Variants in VCL observed in about 807,000 individuals in gnomAD.
VCL encodes the protein epididymis luminal protein 114.
A neutral mutation model predicts 125.7 loss-of-function variants in VCL; 47 were observed. The ratio of observed to expected loss-of-function variants is 0.37; its 90% CI spans 0.30 to 0.48. The LOEUF (loss-of-function observed/expected upper bound fraction) is 0.48. VCL is among the 20% of genes least tolerant of loss of function. The probability of loss-of-function intolerance (pLI) is 0.99; values close to 1 mark genes in which losing one functional copy is unlikely to be tolerated. For missense variants in VCL, 1,069 were observed against 1,455.5 expected, an observed-to-expected ratio of 0.73 and a Z score of 4.32; for synonymous variants, 458 against 514.6, an observed-to-expected ratio of 0.89 and a Z score of 1.49.
chr10:74,006,630 C>T (rs554214347), intron 1 of VCL, among the ~76,000 whole-genome samples: 99 of 152,290 alleles, frequency 6.5e-4, no homozygotes, highest in African/African-American at 2.2e-3. Context: ...TGAGTATTGA[C>T]GTGATGCCAC....
intron 1 of VCL, among the ~76,000 whole-genome samples, chr10:74,012,083 G>A (rs1302819463): frequency 1.3e-5 from 2 of 152,284 alleles, no homozygotes; most frequent in East Asian, 1.9e-4. Context: ...TAAGCTTTCT[G>A]TGAAGAAAGA....
intron 8 of VCL, among the ~76,000 whole-genome samples, chr10:74,087,140 A>C (rs1839791833): frequency 6.6e-6 from 1 of 151,996 alleles, no homozygotes; most frequent in South Asian, 2.1e-4. Context: ...AAGCACATTA[A>C]ATCCTAAAGA....
intron 9 of VCL, 134 bp from the exon 10 acceptor site, chr10:74,089,889 A>G (rs1326498729): frequency 9.6e-7 from 1 of 1,040,072 alleles, no homozygotes; most frequent in African/African-American, 1.6e-5. Flanking sequence ...CCTCCATACA[A>G]TAATAAAGAT....
chr10:74,046,161 C>T (rs1841193769), intron 2 of VCL, among the ~76,000 whole-genome samples: 1 of 152,096 alleles, frequency 6.6e-6, no homozygotes, highest in South Asian at 2.1e-4. Context: ...TTTTGTCCTA[C>T]CTTCATTGGA....
chr10:74,076,829 C>T (rs1044913165), intron 6 of VCL: 2 of 152,646 alleles, frequency 1.3e-5, no homozygotes, highest in Non-Finnish European at 2.9e-5. Context: ...CTTTCTTTTG[C>T]TTCTAGCAGA....
At chr10:74,028,154 C>T (rs1840809193) in intron 1 of VCL, among the ~76,000 whole-genome samples, 1 of 152,194 alleles carries the variant, frequency 6.6e-6, no homozygotes, top group Non-Finnish European at 1.5e-5. Context: ...TAGCTTACTA[C>T]AGCCTCGATC....
intron 1 of VCL, among the ~76,000 whole-genome samples, chr10:74,016,628 T>C (rs1030726427): frequency 6.6e-6 from 1 of 152,190 alleles, no homozygotes; most frequent in Non-Finnish European, 1.5e-5. Flanking sequence ...GATAATCTTA[T>C]TGTTTTGAGG....
chr10:74,009,475 G>A (rs1840387357), intron 1 of VCL, among the ~76,000 whole-genome samples: 2 of 151,684 alleles, frequency 1.3e-5, no homozygotes, highest in South Asian at 4.2e-4. Context: ...TAGCCAGGAT[G>A]GTCTCGATCT....
intron 1 of VCL, among the ~76,000 whole-genome samples, chr10:74,014,124 G>T (rs190378816): frequency 6.6e-6 from 1 of 152,198 alleles, no homozygotes; most frequent in African/African-American, 2.4e-5. Context: ...AGAAGCAATA[G>T]TGAGGGAAAA....
chr10:74,086,855 C>CG, intron 8 of VCL, among the ~76,000 whole-genome samples: 1 of 152,114 alleles, frequency 6.6e-6, no homozygotes, highest in Non-Finnish European at 1.5e-5. Flanking sequence ...GGCTGAAATG[C>CG]GGTAACAATT....
intron 2 of VCL, among the ~76,000 whole-genome samples, chr10:74,051,020 A>G (rs1218104347): frequency 7.2e-6 from 1 of 138,310 alleles, no homozygotes; most frequent in Non-Finnish European, 1.5e-5. Flanking sequence ...GCTCATTGCA[A>G]CCTCCACCTC....
chr10:74,028,046 A>G (rs1449364992), intron 1 of VCL: 1 of 152,146 alleles, frequency 6.6e-6, no homozygotes, highest in Non-Finnish European at 1.5e-5. Flanking sequence ...ACTTAATTAT[A>G]ACTAGTGGGA....
intron 2 of VCL, among the ~76,000 whole-genome samples, chr10:74,066,063 T>A (rs4357629): frequency 0.13 from 12,684 of 95,492 alleles, 1,546 homozygotes; most frequent in African/African-American, 0.37. Context: ...ATATATATAT[T>A]TTTTTTTTTT....
chr10:74,071,013 A>G lies in VCL; in HGVS notation c.429A>G (p.Glu143=). The change falls in exon 4 of 22, where the codon GAA becomes GAG. Residue 143 remains glutamate (E), a synonymous_variant. Transcript: ENST00000211998. The surrounding 1 kb of genome is among the most constrained non-coding windows in gnomAD (Gnocchi z 4.1). ...KIIRVCKGIL[E]YLTVAEVVET... ...TTAGAGTTTGCAAAGGAATTTTGGA[A>G]TATCTTACAGTGGCAGAGGTGGTGG... is the stretch of plus-strand genomic sequence containing the variant. 1 of 1,614,212 alleles carries G rather than the reference A, an allele frequency of 6.2e-7. No individual in the cohort carries two copies. The highest frequency in any genetic ancestry group is 8.5e-7 in the Non-Finnish European group (1 of 1,180,016).
At chr10:74,060,735 CTCT>C (rs1026503315) in intron 2 of VCL, among the ~76,000 whole-genome samples, 2 of 151,284 alleles carry the variant, frequency 1.3e-5, no homozygotes, top group African/African-American at 4.9e-5. Context: ...ATGGATTTTC[CTCT>C]TCTTTGGCAT....
chr10:74,072,023 T>A (rs1841669723), intron 4 of VCL, among the ~76,000 whole-genome samples: 1 of 152,232 alleles, frequency 6.6e-6, no homozygotes, highest in Admixed American at 6.5e-5. Flanking sequence ...CCACCTCTGC[T>A]TCTCTTTGGT....
intron 1 of VCL, among the ~76,000 whole-genome samples, chr10:74,002,938 G>T (rs1840255485): frequency 6.6e-6 from 1 of 150,758 alleles, no homozygotes; most frequent in East Asian, 1.9e-4. Flanking sequence ...AACTCATTAG[G>T]ATTTGTAATT....
chr10:74,011,165 CAAAAAAAAA>C (rs71021585), intron 1 of VCL, among the ~76,000 whole-genome samples: 2 of 52,302 alleles, frequency 3.8e-5, no homozygotes, highest in African/African-American at 7.7e-5. Flanking sequence ...AACTCTATCT[CAAAAAAAAA>C]AAAAAAAAAA....
chr10:74,060,987 T>C (rs1256815585), intron 2 of VCL, among the ~76,000 whole-genome samples: 1 of 152,026 alleles, frequency 6.6e-6, no homozygotes, highest in African/African-American at 2.4e-5. Flanking sequence ...TTTCTAGCAA[T>C]TTAGGTTGAA....
Sources: allele counts gnomAD v4.1 joint callset (sites outside exome capture counted in the v4.1 genomes callset), GRCh38; gene constraint gnomAD v4.1.1; non-coding constraint Gnocchi (gnomAD v3.1); transcripts MANE v1.5; gene names NCBI Gene and HGNC (gene_info 2026-07-23, HGNC 2026-07-21).